The following SLC4A4 variants were observed in gnomAD, a reference collection of about 807,000 sequenced individuals.
SLC4A4 encodes the protein solute carrier family 4 member 4.
SLC4A4 carries 27 observed loss-of-function variants against 111.5 expected under a neutral mutation model. The observed-to-expected ratio is 0.24, with a 90% CI of 0.18 to 0.33. The LOEUF (loss-of-function observed/expected upper bound fraction) is 0.33. Among genes scored for constraint, SLC4A4 ranks in the 10% least tolerant of loss-of-function variants. The pLI, the probability that SLC4A4 is intolerant of heterozygous loss-of-function variation, is 1.00. For synonymous variants in SLC4A4, 443 were observed against 463.4 expected (o/e 0.96, Z 0.57); for missense variants, 909 against 1,315.5 (o/e 0.69, Z 4.78).
intron 4 of SLC4A4, among the ~76,000 whole-genome samples, chr4:71,347,751 G>C (rs1729455219): frequency 6.6e-6 from 1 of 152,034 alleles, no homozygotes; most frequent in Admixed American, 6.6e-5. Flanking sequence ...TGATAGAAGT[G>C]GGGGCTCATT....
chr4:71,557,844 A>T lies in SLC4A4; in HGVS notation c.2896A>T (p.Ile966Phe), dbSNP rs1355390771. Residue 966 changes from isoleucine to phenylalanine, a missense_variant, in exon 22 of 26, where the codon ATC becomes TTC. By Grantham distance (21) the Ile-to-Phe change is conservative. Transcript: ENST00000264485. ...LQVLCLALLW[I>F]LKSTVAAIIF... ...GGTGTTGTGTCTGGCCCTGCTTTGG[A>T]TCCTCAAGTCAACGGTGGCTGCTAT... 6.2e-7 allele frequency: 1 copy of T among 1,612,436 alleles called. No individual in the cohort carries two copies. The highest frequency in any genetic ancestry group is 1.7e-5 in the Admixed American group (1 of 59,840).
At chr4:71,374,317 A>G (rs1298140768) in intron 6 of SLC4A4, among the ~76,000 whole-genome samples, 1 of 152,182 alleles carries the variant, frequency 6.6e-6, no homozygotes, top group Non-Finnish European at 1.5e-5. Flanking sequence ...GGCCTTTAAA[A>G]TCTAAAGCAA....
chr4:71,333,664 G>A lies in SLC4A4; in HGVS notation c.254-5706G>A, dbSNP rs1728197381. ...GTACAGAAATGCCATGCAGGAACCA[G>A]GGCCTGGAGCCGGGAACTTTAGGAA... On this transcript the variant is annotated intron_variant, in intron 3 of 25. Coordinates refer to ENST00000264485, the MANE Select transcript of SLC4A4 (RefSeq NM_001098484.3). Among the ~76,000 whole-genome samples, 3 of 152,184 alleles carry A rather than the reference G, an allele frequency of 2.0e-5. No individual in the cohort carries two copies. In the South Asian group the frequency reaches 6.2e-4, roughly 31 times the overall value.
At chr4:71,460,282 G>A (rs144894205) in intron 12 of SLC4A4, among the ~76,000 whole-genome samples, 2,132 of 151,792 alleles carry the variant, frequency 0.014, 32 homozygotes, top group South Asian at 0.052. Flanking sequence ...TTCTGTTTTC[G>A]TTTAAATTTT....
chr4:71,168,607 C>G (rs1228621894), intron 2 of SLC4A4, among the ~76,000 whole-genome samples: 3 of 151,984 alleles, frequency 2.0e-5, no homozygotes, highest in African/African-American at 7.3e-5. Context: ...CCCCCACCAC[C>G]CCCACTACCC....
At chr4:71,529,748 A>C (rs964430849) in intron 16 of SLC4A4, among the ~76,000 whole-genome samples, 1 of 152,170 alleles carries the variant, frequency 6.6e-6, no homozygotes, top group Non-Finnish European at 1.5e-5. Flanking sequence ...GAGGAAAGCT[A>C]TCTGCCTTTT....
chr4:71,176,983 G>A (rs1314804442), intron 2 of SLC4A4, among the ~76,000 whole-genome samples: 1 of 152,170 alleles, frequency 6.6e-6, no homozygotes, highest in Non-Finnish European at 1.5e-5. Flanking sequence ...TGATCTCTTG[G>A]CAGAAACTCT....
At chr4:71,332,782 TAA>T (rs1194713127) in intron 3 of SLC4A4, among the ~76,000 whole-genome samples, 1 of 152,088 alleles carries the variant, frequency 6.6e-6, no homozygotes, top group Non-Finnish European at 1.5e-5. Flanking sequence ...TTCTTCTGCT[TAA>T]GTCTGCTGTT....
At chr4:71,119,201 G>T (rs559229311) in intron 2 of SLC4A4, among the ~76,000 whole-genome samples, 1 of 152,058 alleles carries the variant, frequency 6.6e-6, no homozygotes, top group African/African-American at 2.4e-5. Flanking sequence ...TCAACTTTGC[G>T]GTGAAAATAA....
chr4:71,191,387 A>T (rs1169060805), intron 1 of SLC4A4, among the ~76,000 whole-genome samples: 1 of 152,214 alleles, frequency 6.6e-6, no homozygotes, highest in Non-Finnish European at 1.5e-5. Flanking sequence ...TGTTATGCTT[A>T]TTGAGATGAA....
chr4:71,149,037 A>G (rs562485454), intron 2 of SLC4A4, among the ~76,000 whole-genome samples: 1 of 152,158 alleles, frequency 6.6e-6, no homozygotes, highest in Non-Finnish European at 1.5e-5. Context: ...TTTTCTCTGC[A>G]ACCTTGCTAA....
Position 71,567,027 on chromosome 4 carries a change from G to T in SLC4A4, c.3220G>T (p.Glu1074Ter). Residue 1074 changes from glutamate to a stop codon, truncating the protein, a stop_gained, in exon 25 of 26, where the codon GAA becomes TAA. Coordinates refer to ENST00000264485, the MANE Select transcript of SLC4A4 (RefSeq NM_001098484.3). LOFTEE classifies it high-confidence loss of function. ...SDRERSPTFL[E>*]RHTSC ...AGGAGAAAGATCACCAACATTCCTT[G>T]AACGCCACACATCATGCTGATAAAA... The T allele has an allele frequency of 6.2e-7, 1 of 1,610,142 alleles. No individual in the cohort carries two copies. Among genetic ancestry groups the T allele is most frequent in the South Asian group, 1.1e-5 (1 of 90,840 alleles).
intron 7 of SLC4A4, among the ~76,000 whole-genome samples, chr4:71,438,088 AAT>A (rs1470869640): frequency 6.6e-6 from 1 of 152,174 alleles, no homozygotes; most frequent in African/African-American, 2.4e-5. Context: ...CTGGCCCCTT[AAT>A]ATGTTATTTT....
In SLC4A4 at chr4:71,360,558, T is replaced by C. The variant is rs538703680; in HGVS notation, c.730+3371T>C. Among the ~76,000 whole-genome samples the C allele has an allele frequency of 1.6e-4, 24 of 152,282 alleles. No individual in the cohort carries two copies. In the East Asian group the frequency reaches 4.0e-3, roughly 26 times the overall value. ...AATGGATGAAGTCTGACATATTCAA[T>C]CTTCATTGTTTCACTTTTGTCTTAT... On this transcript the variant is annotated intron_variant, in intron 6 of 25. Coordinates refer to ENST00000264485, the MANE Select transcript of SLC4A4 (RefSeq NM_001098484.3).
intron 23 of SLC4A4, among the ~76,000 whole-genome samples, chr4:71,563,009 A>C (rs1368163561): frequency 6.6e-6 from 1 of 151,682 alleles, no homozygotes; most frequent in Non-Finnish European, 1.5e-5. Flanking sequence ...CCAAACATAG[A>C]CTTGGAATCA....
intron 13 of SLC4A4, among the ~76,000 whole-genome samples, chr4:71,467,489 A>G (rs1727480932): frequency 6.6e-6 from 1 of 152,106 alleles, no homozygotes; most frequent in South Asian, 2.1e-4. Flanking sequence ...GGTAGGGACC[A>G]CATCCTGATT....
At chr4:71,143,892 AG>A (rs1263178751) in intron 2 of SLC4A4, among the ~76,000 whole-genome samples, 1 of 152,054 alleles carries the variant, frequency 6.6e-6, no homozygotes, top group Non-Finnish European at 1.5e-5. Flanking sequence ...CCCATTCTGT[AG>A]GTTGCCTGTT....
At chr4:71,124,400 G>C (rs1171375968) in intron 2 of SLC4A4, among the ~76,000 whole-genome samples, 2 of 151,940 alleles carry the variant, frequency 1.3e-5, no homozygotes, top group East Asian at 3.9e-4. Flanking sequence ...TTGATCTCTT[G>C]ACTATGTGAT....
intron 16 of SLC4A4, among the ~76,000 whole-genome samples, chr4:71,502,302 G>T (rs1731024234): frequency 6.6e-6 from 1 of 152,098 alleles, no homozygotes; most frequent in African/African-American, 2.4e-5. Context: ...TTTTAGTTTT[G>T]TTAATTTTTT....
Sources: gnomAD v4.1 joint callset for allele counts (sites outside exome capture counted in the v4.1 genomes callset) on GRCh38, gnomAD v4.1.1 for gene constraint, MANE v1.5 for transcripts, NCBI Gene and HGNC (gene_info 2026-07-23, HGNC 2026-07-21) for gene names.